The following SLC25A30 variants were observed in gnomAD, a reference collection of about 807,000 sequenced individuals.
The protein encoded by SLC25A30 is kidney mitochondrial carrier protein 1.
SLC25A30 carries 29 observed loss-of-function variants against 42.7 expected under a neutral mutation model. That is an observed-to-expected ratio of 0.68 (90% confidence interval 0.51 to 0.93). SLC25A30 has a LOEUF of 0.93. Among genes scored for constraint, SLC25A30 ranks in the 40% least tolerant of loss-of-function variants. SLC25A30 has a pLI of 0.00. For missense variants in SLC25A30, 300 were observed against 359.7 expected (o/e 0.83, Z 1.34); for synonymous variants, 124 against 131.0 (o/e 0.95, Z 0.37).
At position 45,396,353 on chromosome 13, in the gene SLC25A30, A is replaced by G. The variant is rs914474181; in HGVS notation, c.835-338T>C. 7.0e-6 allele frequency: 8 copies of G among 1,146,516 alleles called. No homozygotes were observed. The African/African-American group carries it at 1.3e-4, about 18-fold the overall frequency. 71.0% of individuals were successfully genotyped at this position (1,146,516 alleles called of 1,614,324 possible). A position where few individuals can be genotyped will look rare whatever the true frequency, so the allele number is the denominator to read the frequency against. On this transcript the variant is annotated intron_variant, in intron 9 of 9. Transcript: ENST00000519676. ...GAGAGAGAGAGAGAGAGAGTTAGCA[A>G]GCCCTGGGAAGCTCTCCTCAAAGGC...
chr13:45,425,597 C>CATATATATAAATATATATAAGTAT, the SLC25A30 span, among the ~76,000 whole-genome samples: 6 of 38,128 alleles, frequency 1.6e-4, no homozygotes, highest in African/African-American at 5.3e-4. Flanking sequence ...TATATATATA[C>CATATATATAAATATATATAAGTAT]ATATATATAT....
At chr13:45,427,550 C>A in the SLC25A30 span, among the ~76,000 whole-genome samples, 1 of 152,142 alleles carries the variant, frequency 6.6e-6, no homozygotes, top group South Asian at 2.1e-4. Context: ...CCCCATCTCC[C>A]TTTCACTCAA....
At chr13:45,396,117 G>A in intron 9 of SLC25A30, 102 bp from the exon 10 acceptor site, 1 of 1,610,038 alleles carries the variant, frequency 6.2e-7, no homozygotes, top group Non-Finnish European at 8.5e-7. Context: ...AATAGGTACA[G>A]GCAGACCCAC....
At chr13:45,412,279 C>T (rs9534143) in intron 1 of SLC25A30, among the ~76,000 whole-genome samples, 46,856 of 151,712 alleles carry the variant, frequency 0.31, 8,767 homozygotes, top group Non-Finnish European at 0.43. Flanking sequence ...ACCACCATGC[C>T]AGCCTAATTG....
the SLC25A30 span, among the ~76,000 whole-genome samples, chr13:45,429,056 CTTTTT>C: frequency 7.5e-5 from 7 of 93,856 alleles, no homozygotes; most frequent in African/African-American, 1.5e-4. Context: ...TGTGCAAGCT[CTTTTT>C]TTTTTTTTTT....
At chr13:45,424,743 TA>T in the SLC25A30 span, among the ~76,000 whole-genome samples, 1 of 59,788 alleles carries the variant, frequency 1.7e-5, no homozygotes, top group East Asian at 3.7e-4. Context: ...GTATAAATAT[TA>T]TATCTATTTA....
chr13:45,404,539 C>A, intron 4 of SLC25A30, 127 bp from the exon 5 acceptor site: 2 of 704,824 alleles, frequency 2.8e-6, no homozygotes, highest in Admixed American at 2.1e-5. Context: ...ATGCTTCAGG[C>A]CGGGCATGGT....
chr13:45,427,950 C>T, the SLC25A30 span, among the ~76,000 whole-genome samples: 1 of 151,922 alleles, frequency 6.6e-6, no homozygotes, highest in African/African-American at 2.4e-5. Context: ...ACCATGTTGG[C>T]CAGGCTGGTC....
the SLC25A30 span, among the ~76,000 whole-genome samples, chr13:45,432,227 A>G: frequency 6.6e-6 from 1 of 151,318 alleles, no homozygotes; most frequent in African/African-American, 2.4e-5. Context: ...CCGAGATCAT[A>G]TCACTGCACT....
chr13:45,405,915 C>T lies in SLC25A30; in HGVS notation c.275G>A (p.Ser92Asn), dbSNP rs1255581136. The change falls in exon 4 of 10, where the codon AGC becomes AAC. Residue 92 changes from serine to asparagine, a missense_variant. Physicochemically the swap from Ser to Asn is conservative, Grantham distance 46. Coordinates refer to ENST00000519676, the MANE Select transcript of SLC25A30 (RefSeq NM_001010875.4). ...YGTIKIGTYQ[S>N]LKRLFIERPE... is the part of the protein sequence containing the mutation. ...GCGTTCAATGAATAGTCGCTTCAAG[C>T]TCTGGTAAGTGCCTATCTTGATGGT... 1 of 1,614,194 alleles carries T rather than the reference C, an allele frequency of 6.2e-7. No individual in the cohort carries two copies. Among genetic ancestry groups the T allele is most frequent in the South Asian group, 1.1e-5 (1 of 91,082 alleles).
At chr13:45,414,727 T>G (rs1883376306) in intron 1 of SLC25A30, among the ~76,000 whole-genome samples, 1 of 152,062 alleles carries the variant, frequency 6.6e-6, no homozygotes, top group Non-Finnish European at 1.5e-5. Flanking sequence ...TAAGCTGTAC[T>G]GGCCACAGCA....
chr13:45,428,874 G>A, the SLC25A30 span, among the ~76,000 whole-genome samples: 1 of 151,638 alleles, frequency 6.6e-6, no homozygotes, highest in South Asian at 2.1e-4. Flanking sequence ...CAAAAAAAGA[G>A]AAACAAATCA....
Position 45,393,555 on chromosome 13 carries a change from C to G in SLC25A30, c.*2419G>C. On this transcript the variant is annotated 3_prime_UTR_variant, in exon 10 of 10. Transcript: ENST00000519676. ...TTACACAAATCCATAAGCACACAAA[C>G]AAAAAAACCCATTGGTTATAAAAAC... 4.1e-6 allele frequency: 4 copies of G among 985,174 alleles called. No homozygotes were observed. The highest frequency in any genetic ancestry group is 4.7e-5 in the South Asian group (1 of 21,284). The allele number at this position is 985,174 out of a possible 1,614,324, so 61.0% of individuals were successfully genotyped here. A position where few individuals can be genotyped will look rare whatever the true frequency, so the allele number is the denominator to read the frequency against.
At chr13:45,424,686 GAT>G in the SLC25A30 span, among the ~76,000 whole-genome samples, 7 of 34,118 alleles carry the variant, frequency 2.1e-4, 2 homozygotes, top group Non-Finnish European at 3.6e-4. Context: ...GTTATATATA[GAT>G]ATATATAAAG....
the SLC25A30 span, among the ~76,000 whole-genome samples, chr13:45,425,064 A>T: frequency 2.1e-4 from 17 of 79,156 alleles, 3 homozygotes; most frequent in African/African-American, 9.0e-4. Context: ...ATATATAAGT[A>T]TATATACATA....
chr13:45,418,998 G>T (rs1261965519), upstream of SLC25A30, among the ~76,000 whole-genome samples: 1 of 122,206 alleles, frequency 8.2e-6, no homozygotes, highest in African/African-American at 3.2e-5. Context: ...AGACCTGGTG[G>T]CGGGTGCCTG....
Position 45,393,318 on chromosome 13 carries a change from T to A in SLC25A30, c.*2656A>T. The stretch of plus-strand genomic sequence containing the variant: ...TTATCTGAAATAACCAGAAATCATT[T>A]TTATTATTATATATTACTCCAGTTT... On this transcript the variant is annotated 3_prime_UTR_variant, in exon 10 of 10. Transcript: ENST00000519676. 1.9e-5 allele frequency: 18 copies of A among 967,746 alleles called. No individual in the cohort carries two copies. The highest frequency in any genetic ancestry group is 2.2e-5 in the Non-Finnish European group (18 of 813,806). 59.9% of individuals were successfully genotyped at this position (967,746 alleles called of 1,614,324 possible).
At chr13:45,399,953 C>T (rs1256230003) in intron 7 of SLC25A30, among the ~76,000 whole-genome samples, 1 of 149,614 alleles carries the variant, frequency 6.7e-6, no homozygotes, top group African/African-American at 2.5e-5. Context: ...AGTAGTATTC[C>T]CCCCTGGTTG....
intron 3 of SLC25A30, among the ~76,000 whole-genome samples, chr13:45,406,611 T>C (rs1412663962): frequency 4.6e-5 from 7 of 152,170 alleles, no homozygotes; most frequent in Non-Finnish European, 1.0e-4. Context: ...CCCGGGTGTC[T>C]TTCTGCATTT....
Sources: allele counts gnomAD v4.1 joint callset (sites outside exome capture counted in the v4.1 genomes callset), GRCh38; gene constraint gnomAD v4.1.1; transcripts MANE v1.5; gene names NCBI Gene and HGNC (gene_info 2026-07-23, HGNC 2026-07-21).